The following CDH12 variants were observed in gnomAD, a reference collection of about 807,000 sequenced individuals.
CDH12 encodes the protein cadherin-12.
In CDH12, 41 loss-of-function variants were observed where a neutral mutation model predicts 74.1. The observed-to-expected ratio is 0.55, with a 90% CI of 0.43 to 0.72. The LOEUF is 0.72. Among genes scored for constraint, CDH12 ranks in the 30% least tolerant of loss-of-function variants. The pLI is 0.00. For synonymous variants in CDH12, 399 were observed against 355.0 expected, an observed-to-expected ratio of 1.12 and a Z score of -1.39; for missense variants, 945 against 977.2, an observed-to-expected ratio of 0.97 and a Z score of 0.44.
intron 11 of CDH12, among the ~76,000 whole-genome samples, chr5:21,779,060 C>T (rs749338022): frequency 6.6e-6 from 1 of 151,408 alleles, no homozygotes; most frequent in Non-Finnish European, 1.5e-5. Context: ...TAACTTATTC[C>T]ACAATAAATG....
At chr5:22,454,074 C>T (rs1007814219) in intron 2 of CDH12, among the ~76,000 whole-genome samples, 2 of 151,976 alleles carry the variant, frequency 1.3e-5, no homozygotes, top group African/African-American at 4.8e-5. Flanking sequence ...AAACAAAATA[C>T]AGTTATTAAC....
chr5:22,702,601 G>A (rs995090289), intron 1 of CDH12, among the ~76,000 whole-genome samples: 2 of 151,880 alleles, frequency 1.3e-5, no homozygotes, highest in Middle Eastern at 6.8e-3. Context: ...CCTTCTTATA[G>A]TTATGAATGG....
At chr5:22,475,660 T>C (rs1222160720) in intron 2 of CDH12, among the ~76,000 whole-genome samples, 1 of 152,000 alleles carries the variant, frequency 6.6e-6, no homozygotes, top group East Asian at 1.9e-4. Context: ...ACTAGACTTC[T>C]TTCCTTTGAA....
chr5:22,238,103 T>A lies in CDH12; in HGVS notation c.-332-25460A>T, dbSNP rs143086825. 8.3e-4 allele frequency among the ~76,000 whole-genome samples: 127 copies of A among 152,308 alleles called. 3 individuals are homozygous for A. The East Asian group carries it at 0.024, about 29-fold the overall frequency. On this transcript the variant is annotated intron_variant, in intron 3 of 14. Coordinates refer to ENST00000382254, the MANE Select transcript of CDH12 (RefSeq NM_004061.5). ...GATTGACCCTGTTCTGAATGCCAAC[T>A]CCTGAAGGAGCTTCAAGAACAGACC... is the stretch of plus-strand genomic sequence containing the variant.
chr5:22,526,173 A>T (rs1737268290), intron 1 of CDH12, among the ~76,000 whole-genome samples: 2 of 152,178 alleles, frequency 1.3e-5, no homozygotes, highest in Admixed American at 6.6e-5. Flanking sequence ...AAATCTATAA[A>T]ATTTGTGCAA....
At chr5:21,995,036 G>A (rs1037400266) in intron 5 of CDH12, among the ~76,000 whole-genome samples, 9 of 152,042 alleles carry the variant, frequency 5.9e-5, no homozygotes, top group African/African-American at 9.7e-5. Flanking sequence ...TAACACTCAC[G>A]GTGAGGGTCT....
intron 1 of CDH12, among the ~76,000 whole-genome samples, chr5:22,714,145 T>A (rs1199689012): frequency 2.0e-5 from 3 of 152,230 alleles, no homozygotes; most frequent in African/African-American, 7.2e-5. Context: ...GAGCTAATAT[T>A]CAAGCAAAAT....
At chr5:22,513,885 T>C (rs1490767910) in intron 1 of CDH12, among the ~76,000 whole-genome samples, 1 of 150,466 alleles carries the variant, frequency 6.6e-6, no homozygotes, top group Non-Finnish European at 1.5e-5. Context: ...GAGGCAGAGG[T>C]TGCAGTGAGC....
intron 4 of CDH12, among the ~76,000 whole-genome samples, chr5:22,080,453 A>G (rs537460034): frequency 1.3e-4 from 20 of 152,270 alleles, no homozygotes; most frequent in South Asian, 6.2e-4. Context: ...TTTCTTCTTT[A>G]TAAGAGTGTA....
At position 21,869,844 on chromosome 5, in the gene CDH12, G is replaced by A. The variant is rs1021482533; in HGVS notation, c.527-15054C>T. Among the ~76,000 whole-genome samples the A allele has an allele frequency of 6.6e-5, 10 of 152,238 alleles. No individual in the cohort carries two copies. The East Asian group carries it at 1.9e-3, about 29-fold the overall frequency. ...GTTGGATTTGTGATGGTTAATTTTA[G>A]GTGTCAGCTTGACTGAATTAAGGAA... On this transcript the variant is annotated intron_variant, in intron 6 of 14. Coordinates refer to ENST00000382254, the MANE Select transcript of CDH12 (RefSeq NM_004061.5).
intron 4 of CDH12, among the ~76,000 whole-genome samples, chr5:22,096,267 G>A (rs376680684): frequency 2.0e-4 from 31 of 152,054 alleles, no homozygotes; most frequent in East Asian, 5.8e-4. Flanking sequence ...CGATTTTTCC[G>A]TCCTACAAGA....
intron 2 of CDH12, among the ~76,000 whole-genome samples, chr5:22,416,188 C>T (rs891137296): frequency 6.7e-6 from 1 of 149,702 alleles, no homozygotes; most frequent in Admixed American, 6.7e-5. Context: ...CATTCTCCTG[C>T]CTCAGCCTCC....
chr5:22,570,180 C>G (rs1393627986), intron 1 of CDH12, among the ~76,000 whole-genome samples: 2 of 151,676 alleles, frequency 1.3e-5, no homozygotes, highest in East Asian at 1.9e-4. Context: ...CTCAGCCTCT[C>G]GAGCAGCTGG....
intron 4 of CDH12, among the ~76,000 whole-genome samples, chr5:22,111,833 A>G (rs1417620588): frequency 6.6e-6 from 1 of 152,208 alleles, no homozygotes; most frequent in African/African-American, 2.4e-5. Flanking sequence ...TTTGAAATGC[A>G]TGTATACATA....
At chr5:22,705,136 C>T (rs148529021) in intron 1 of CDH12, among the ~76,000 whole-genome samples, 2,286 of 65,426 alleles carry the variant, frequency 0.035, 17 homozygotes, top group African/African-American at 0.045. Flanking sequence ...TATATACACA[C>T]ACACACACAC....
intron 2 of CDH12, among the ~76,000 whole-genome samples, chr5:22,496,581 T>C (rs1480785014): frequency 1.3e-5 from 2 of 152,186 alleles, no homozygotes; most frequent in African/African-American, 4.8e-5. Flanking sequence ...TCTTGAAAAT[T>C]AATTCTGTCT....
chr5:21,800,939 C>T (rs1747078551), intron 10 of CDH12, among the ~76,000 whole-genome samples: 1 of 152,166 alleles, frequency 6.6e-6, no homozygotes, highest in South Asian at 2.1e-4. Context: ...CCTCCCCAGG[C>T]ATGTGGAACT....
intron 6 of CDH12, among the ~76,000 whole-genome samples, chr5:21,960,719 G>A (rs1229434634): frequency 2.6e-5 from 4 of 151,358 alleles, no homozygotes; most frequent in Admixed American, 6.6e-5. Flanking sequence ...ATACACACAC[G>A]CACATACACA....
Position 22,686,540 on chromosome 5 carries a change from CT to C in CDH12, c.-523+166517del, listed in dbSNP as rs567629528. Among the ~76,000 whole-genome samples the C allele has an allele frequency of 3.4e-4, 52 of 151,398 alleles. 1 individual carries two copies. Among genetic ancestry groups the C allele is most frequent in the South Asian group, 2.7e-3 (13 of 4,770 alleles). The stretch of plus-strand genomic sequence containing the variant: ...AAATGTTGCTCATAATGCATTTTGA[CT>C]TTTTTTTTGAATATTATGAGGAAGG... On this transcript the variant is annotated intron_variant, in intron 1 of 14. Transcript: ENST00000382254.
Sources: allele counts gnomAD v4.1 joint callset (sites outside exome capture counted in the v4.1 genomes callset), GRCh38; gene constraint gnomAD v4.1.1; transcripts MANE v1.5; gene names NCBI Gene and HGNC (gene_info 2026-07-23, HGNC 2026-07-21).